Variants in NCAM1 observed in about 807,000 individuals in gnomAD.
The protein encoded by NCAM1 is neural cell adhesion molecule 1, also known as antigen recognized by monoclonal antibody 5.1H11.
In NCAM1, 14 loss-of-function variants were observed where a neutral mutation model predicts 109.8. That is an observed-to-expected ratio of 0.13 (90% CI 0.08 to 0.20). The LOEUF (loss-of-function observed/expected upper bound fraction) is 0.20, where lower values mean the gene tolerates loss of function less well. Ranked by LOEUF, NCAM1 falls within the 10% of genes least tolerant of loss-of-function variation. The probability of loss-of-function intolerance (pLI) is 1.00; values close to 1 mark genes in which losing one functional copy is unlikely to be tolerated. For synonymous variants in NCAM1, 418 were observed against 442.9 expected (o/e 0.94, Z 0.70); for missense variants, 774 against 1,109.9 (o/e 0.70, Z 4.30).
chr11:113,240,032 C>CAA (rs2137356242), intron 14 of NCAM1, among the ~76,000 whole-genome samples: 1 of 152,306 alleles, frequency 6.6e-6, no homozygotes, highest in East Asian at 1.9e-4. Flanking sequence ...CTCAGATGCA[C>CAA]AACTAACCAT....
chr11:113,041,675 T>C (rs1339675771), intron 1 of NCAM1, among the ~76,000 whole-genome samples: 1 of 136,294 alleles, frequency 7.3e-6, no homozygotes. Context: ...AATTTTATTG[T>C]GTCTGAAAAA....
intron 2 of NCAM1, 147 bp downstream of exon 2, chr11:113,202,600 A>C (rs1428581461): frequency 1.6e-6 from 1 of 606,848 alleles, no homozygotes; most frequent in Non-Finnish European, 2.6e-6. Flanking sequence ...TAGTATGGCC[A>C]TTTAAGAGCC....
intron 1 of NCAM1, among the ~76,000 whole-genome samples, chr11:113,189,075 G>A (rs1943599158): frequency 6.6e-6 from 1 of 152,138 alleles, no homozygotes; most frequent in African/African-American, 2.4e-5. Flanking sequence ...AGCAATACCA[G>A]TGATCCAGGA....
chr11:113,113,907 A>C (rs1183830863), intron 1 of NCAM1, among the ~76,000 whole-genome samples: 1 of 152,214 alleles, frequency 6.6e-6, no homozygotes, highest in Non-Finnish European at 1.5e-5. Flanking sequence ...CTGGTGCTTT[A>C]GGATTTCACT....
At chr11:113,081,850 A>G (rs1389783939) in intron 1 of NCAM1, among the ~76,000 whole-genome samples, 4 of 152,106 alleles carry the variant, frequency 2.6e-5, no homozygotes, top group Non-Finnish European at 5.9e-5. Context: ...TTTTCTTTTA[A>G]AGAAAATCTC....
At position 113,235,038 on chromosome 11, in the gene NCAM1, A is replaced by G. The variant is rs781887486; in HGVS notation, c.1699A>G (p.Met567Val). ...SKWYDAKEAS[M>V]EGIVTIVGLK... is the part of the protein sequence containing the mutation. ...TCCTTCCCATATTATAACAGCCAGC[A>G]TGGAGGGCATCGTCACCATCGTGGG... The change falls in exon 14 of 20, where the codon ATG (methionine) becomes GTG (valine). Residue 567 changes from methionine (M) to valine (V), a missense_variant. Met to Val is a conservative substitution (Grantham distance 21). Coordinates refer to ENST00000316851, the MANE Select transcript of NCAM1 (RefSeq NM_181351.5). 1.1e-5 allele frequency: 17 copies of G among 1,556,790 alleles called. No individual in the cohort carries two copies. In the South Asian group the frequency reaches 1.5e-4, roughly 14 times the overall value.
intron 1 of NCAM1, among the ~76,000 whole-genome samples, chr11:113,083,464 T>C (rs1216459265): frequency 1.3e-5 from 2 of 152,180 alleles, no homozygotes; most frequent in Non-Finnish European, 2.9e-5. Context: ...CTGAAGTGAT[T>C]GGTGTACCAC....
At chr11:113,137,124 G>A (rs138495323) in intron 1 of NCAM1, among the ~76,000 whole-genome samples, 9 of 152,232 alleles carry the variant, frequency 5.9e-5, no homozygotes, top group Admixed American at 3.3e-4. Context: ...AGCAGGTAGA[G>A]GTTGTAGAAG....
At chr11:113,128,598 C>T (rs1555097629) in intron 1 of NCAM1, among the ~76,000 whole-genome samples, 1 of 152,212 alleles carries the variant, frequency 6.6e-6, no homozygotes, top group Non-Finnish European at 1.5e-5. Flanking sequence ...CGTCCTTTCC[C>T]TCTGCCCCCT....
intron 7 of NCAM1, 142 bp from the exon 8 acceptor site, chr11:113,214,227 C>A: frequency 1.3e-6 from 1 of 751,032 alleles, no homozygotes; most frequent in Non-Finnish European, 2.1e-6. Context: ...CTTGGAGAGT[C>A]AGGTCTGCAT....
At chr11:113,061,283 A>AG (rs1937627302) in intron 1 of NCAM1, among the ~76,000 whole-genome samples, 1 of 152,296 alleles carries the variant, frequency 6.6e-6, no homozygotes, top group East Asian at 1.9e-4. Context: ...GTTTAAAAAA[A>AG]AAATGGTTAA....
At chr11:113,264,165 TATC>T in intron 17 of NCAM1, 2 of 985,346 alleles carry the variant, frequency 2.0e-6, no homozygotes, top group South Asian at 4.7e-5. Context: ...TGTGGTCACA[TATC>T]ATTCTACATA....
chr11:113,253,547 AC>A (rs1219670647), intron 15 of NCAM1, among the ~76,000 whole-genome samples: 1 of 151,792 alleles, frequency 6.6e-6, no homozygotes, highest in Non-Finnish European at 1.5e-5. Flanking sequence ...GAGGCAACAG[AC>A]CCCCCATGAT....
intron 9 of NCAM1, among the ~76,000 whole-genome samples, chr11:113,226,844 G>A (rs568308945): frequency 3.9e-4 from 60 of 152,280 alleles, no homozygotes; most frequent in South Asian, 4.1e-4. Flanking sequence ...GGTACATAAC[G>A]AAATGAAGGC....
intron 1 of NCAM1, among the ~76,000 whole-genome samples, chr11:112,989,145 C>T (rs1940718): frequency 0.46 from 69,669 of 151,888 alleles, 16,812 homozygotes; most frequent in East Asian, 0.8. Context: ...GATGTGTGTA[C>T]CTCTTATGAG....
At chr11:113,047,955 T>A (rs1555081128) in intron 1 of NCAM1, among the ~76,000 whole-genome samples, 1 of 152,142 alleles carries the variant, frequency 6.6e-6, no homozygotes, top group Non-Finnish European at 1.5e-5. Flanking sequence ...GGGGACATAG[T>A]GAAACCATAT....
intron 1 of NCAM1, among the ~76,000 whole-genome samples, chr11:113,189,943 T>C (rs114350825): frequency 1.9e-3 from 282 of 151,908 alleles, no homozygotes; most frequent in African/African-American, 6.4e-3. Context: ...GTATGACTTA[T>C]TAGCAGTTCT....
intron 1 of NCAM1, among the ~76,000 whole-genome samples, chr11:112,987,956 T>C (rs1325017585): frequency 1.3e-5 from 2 of 152,186 alleles, no homozygotes; most frequent in African/African-American, 4.8e-5. Context: ...GAAGGCTTTG[T>C]TCCTTTCTAC....
chr11:113,198,950 T>C (rs782041381), intron 1 of NCAM1, among the ~76,000 whole-genome samples: 6 of 152,180 alleles, frequency 3.9e-5, no homozygotes, highest in Non-Finnish European at 8.8e-5. Flanking sequence ...TAATGAAGTG[T>C]GTTTTGTAAA....
Sources: gnomAD v4.1 joint callset for allele counts (sites outside exome capture counted in the v4.1 genomes callset) on GRCh38, gnomAD v4.1.1 for gene constraint, MANE v1.5 for transcripts, NCBI Gene and HGNC (gene_info 2026-07-23, HGNC 2026-07-21) for gene names.